The following RHOJ variants were observed in gnomAD, a reference collection of about 807,000 sequenced individuals.
The protein encoded by RHOJ is rho-related GTP-binding protein RhoJ.
RHOJ carries 11 observed loss-of-function variants against 23.4 expected under a neutral mutation model. That is an observed-to-expected ratio of 0.47 (90% CI 0.30 to 0.78). The LOEUF is 0.78. Among genes scored for constraint, RHOJ ranks in the 30% least tolerant of loss-of-function variants. The pLI, the probability that RHOJ is intolerant of heterozygous loss-of-function variation, is 0.08. For synonymous variants in RHOJ, 102 were observed against 102.7 expected (o/e 0.99, Z 0.04); for missense variants, 254 against 273.4 (o/e 0.93, Z 0.50).
intron 1 of RHOJ, among the ~76,000 whole-genome samples, chr14:63,221,993 GCC>G (rs1022521119): frequency 1.7e-5 from 2 of 116,780 alleles, no homozygotes; most frequent in African/African-American, 6.9e-5. Flanking sequence ...CCAAAAACAG[GCC>G]CCGGTGTGTG....
chr14:63,273,017 C>T (rs1017273698), intron 2 of RHOJ, among the ~76,000 whole-genome samples: 1 of 152,104 alleles, frequency 6.6e-6, no homozygotes. Context: ...GAGCAAAACT[C>T]CATCTCAAAA....
rs139636348 is a variant in RHOJ, at chr14:63,218,423, T to G, written c.178+13376T>G. Among the ~76,000 whole-genome samples, 351 of 152,318 alleles carry G rather than the reference T, an allele frequency of 2.3e-3. 1 individual carries two copies. The highest frequency in any genetic ancestry group is 7.6e-3 in the African/African-American group (315 of 41,562). ...CATACTTAATCTTGGCTCAACAGTT[T>G]TTGGTATTAAAGGATGCATTTTCGT... On this transcript the variant is annotated intron_variant, in intron 1 of 4. Transcript: ENST00000316754.
rs77167078 is a variant in RHOJ at position 63,269,324 on chromosome 14, T to C, written c.237+156T>C. ...GCCTAAATGACGACCAAAAGCACAT[T>C]CTCAATATTTTAAAAATTACAAAAA... is the stretch of plus-strand genomic sequence containing the variant. On this transcript the variant is annotated intron_variant, in intron 2 of 4. Coordinates refer to ENST00000316754, the MANE Select transcript of RHOJ (RefSeq NM_020663.5). The C allele has an allele frequency of 5.5e-3, 2,752 of 496,794 alleles. 69 individuals are homozygous for C. The highest frequency in any genetic ancestry group is 0.048 in the African/African-American group (2,467 of 51,186). The allele number at this position is 496,794 out of a possible 1,614,324, so 30.8% of individuals were successfully genotyped here. A position where few individuals can be genotyped will look rare whatever the true frequency, so the allele number is the denominator to read the frequency against.
intron 1 of RHOJ, among the ~76,000 whole-genome samples, chr14:63,248,665 CA>C (rs2139637930): frequency 6.6e-6 from 1 of 152,290 alleles, no homozygotes; most frequent in South Asian, 2.1e-4. Flanking sequence ...ATTTATTTAA[CA>C]AACATTTATT....
chr14:63,223,237 C>A (rs780644018), intron 1 of RHOJ, among the ~76,000 whole-genome samples: 5 of 152,128 alleles, frequency 3.3e-5, no homozygotes, highest in African/African-American at 4.8e-5. Context: ...TCTGGTGGGA[C>A]CTATTGGTCT....
chr14:63,283,355 C>G lies in RHOJ; in HGVS notation c.498+139C>G, dbSNP rs1049741984. On this transcript the variant is annotated intron_variant, in intron 4 of 4. Transcript: ENST00000316754. Reference sequence around the variant, plus strand: ...ATCTTCTCTAAGCTTTCTATTCTCCCCCTCTGTTCTAGTCGGGCTGGAAGG... The same window carrying G: ...ATCTTCTCTAAGCTTTCTATTCTCCGCCTCTGTTCTAGTCGGGCTGGAAGG... 9.7e-6 allele frequency: 7 copies of G among 722,484 alleles called. No individual in the cohort carries two copies. In the African/African-American group the frequency reaches 1.0e-4, roughly 11 times the overall value. 44.8% of individuals were successfully genotyped at this position (722,484 alleles called of 1,614,324 possible).
At chr14:63,268,587 C>CTATT (rs904004163) in intron 1 of RHOJ, among the ~76,000 whole-genome samples, 1 of 152,194 alleles carries the variant, frequency 6.6e-6, no homozygotes, top group Non-Finnish European at 1.5e-5. Flanking sequence ...TCTCATTTAA[C>CTATT]TATTTGCCTT....
At chr14:63,218,739 C>A (rs1894419528) in intron 1 of RHOJ, among the ~76,000 whole-genome samples, 1 of 152,138 alleles carries the variant, frequency 6.6e-6, no homozygotes, top group Admixed American at 6.6e-5. Context: ...TTTCTGGACA[C>A]AGGAAGAAAT....
intron 1 of RHOJ, among the ~76,000 whole-genome samples, chr14:63,257,122 C>T (rs1337595707): frequency 6.8e-6 from 1 of 147,958 alleles, no homozygotes; most frequent in Non-Finnish European, 1.5e-5. Context: ...CCTGTAGTCC[C>T]AGCTACTAAG....
chr14:63,253,621 G>A (rs560452164), intron 1 of RHOJ, among the ~76,000 whole-genome samples: 6 of 152,050 alleles, frequency 3.9e-5, no homozygotes, highest in Non-Finnish European at 8.8e-5. Context: ...CTTTCCTCCA[G>A]CCATTTCTAT....
intron 1 of RHOJ, among the ~76,000 whole-genome samples, chr14:63,216,369 A>G (rs536308842): frequency 2.0e-5 from 3 of 152,364 alleles, no homozygotes; most frequent in African/African-American, 7.2e-5. Context: ...TCCTTAATAT[A>G]TGCCAGGTAC....
At chr14:63,249,086 ACAGT>A (rs992994250) in intron 1 of RHOJ, among the ~76,000 whole-genome samples, 39 of 152,312 alleles carry the variant, frequency 2.6e-4, no homozygotes, top group African/African-American at 8.7e-4. Flanking sequence ...ATTCTTGCAA[ACAGT>A]CAGAGCCCAC....
At chr14:63,224,629 A>G (rs1483680736) in intron 1 of RHOJ, among the ~76,000 whole-genome samples, 3 of 152,230 alleles carry the variant, frequency 2.0e-5, no homozygotes, top group Non-Finnish European at 4.4e-5. Context: ...TGTTGATACT[A>G]TACCTAAAAC....
At chr14:63,212,399 C>A (rs961191645) in intron 1 of RHOJ, among the ~76,000 whole-genome samples, 1 of 152,098 alleles carries the variant, frequency 6.6e-6, no homozygotes, top group African/African-American at 2.4e-5. Flanking sequence ...GTAAAAAAAA[C>A]TCACTCTTTT....
chr14:63,210,719 A>ATGCTATATGCTATAT, intron 1 of RHOJ, among the ~76,000 whole-genome samples: 2 of 152,246 alleles, frequency 1.3e-5, no homozygotes, highest in Non-Finnish European at 2.9e-5. Context: ...CACTTGACAT[A>ATGCTATATGCTATAT]TAGCATAAGG....
intron 1 of RHOJ, among the ~76,000 whole-genome samples, chr14:63,218,446 C>T (rs762633081): frequency 6.6e-6 from 1 of 152,126 alleles, no homozygotes; most frequent in Non-Finnish European, 1.5e-5. Context: ...GATGCATTTT[C>T]GTCCCTGTGA....
intron 1 of RHOJ, among the ~76,000 whole-genome samples, chr14:63,229,177 T>C (rs762052844): frequency 2.0e-5 from 3 of 152,246 alleles, no homozygotes; most frequent in Non-Finnish European, 4.4e-5. Context: ...TTTGCTTAGA[T>C]AGTATATCTA....
intron 1 of RHOJ, among the ~76,000 whole-genome samples, chr14:63,253,919 G>C (rs1566619924): frequency 2.0e-5 from 3 of 152,114 alleles, no homozygotes; most frequent in African/African-American, 7.2e-5. Context: ...GGTATGTTCT[G>C]TTTTTTTCTC....
chr14:63,281,507 A>G (rs1319232184), intron 3 of RHOJ, among the ~76,000 whole-genome samples: 1 of 152,084 alleles, frequency 6.6e-6, no homozygotes, highest in Non-Finnish European at 1.5e-5. Context: ...TTGTTTTAAA[A>G]TCACAAAATA....
Sources: allele counts gnomAD v4.1 joint callset (sites outside exome capture counted in the v4.1 genomes callset), GRCh38; gene constraint gnomAD v4.1.1; transcripts MANE v1.5; gene names NCBI Gene and HGNC (gene_info 2026-07-23, HGNC 2026-07-21).